LRRC4C: variants seen among roughly 807,000 people sequenced by gnomAD.
The protein encoded by LRRC4C is leucine-rich repeat-containing protein 4C.
In LRRC4C, 5 loss-of-function variants were observed where a neutral mutation model predicts 33.6. The observed-to-expected ratio is 0.15, with a 90% CI of 0.08 to 0.31. LRRC4C has a LOEUF of 0.31. LRRC4C is among the 10% of genes least tolerant of loss of function. The probability of loss-of-function intolerance (pLI) is 1.00; values close to 1 mark genes in which losing one functional copy is unlikely to be tolerated. For synonymous variants in LRRC4C, 329 were observed against 302.0 expected, an observed-to-expected ratio of 1.09 and a Z score of -0.93; for missense variants, 560 against 796.7, an observed-to-expected ratio of 0.70 and a Z score of 3.58.
At chr11:40,182,598 G>A (rs967684164) in intron 5 of LRRC4C, among the ~76,000 whole-genome samples, 1 of 151,956 alleles carries the variant, frequency 6.6e-6, no homozygotes, top group Non-Finnish European at 1.5e-5. Flanking sequence ...AATGTTCAAC[G>A]GCAATATTTA....
chr11:40,412,979 G>C (rs2137657470), intron 3 of LRRC4C, among the ~76,000 whole-genome samples: 1 of 152,162 alleles, frequency 6.6e-6, no homozygotes, highest in African/African-American at 2.4e-5. Context: ...CAAGGATCTT[G>C]ATATCTAGTG....
At chr11:40,416,496 C>G (rs899685923) in intron 3 of LRRC4C, among the ~76,000 whole-genome samples, 1 of 152,104 alleles carries the variant, frequency 6.6e-6, no homozygotes, top group African/African-American at 2.4e-5. Flanking sequence ...TAAGCAGATA[C>G]TGATTACACA....
At position 40,398,723 on chromosome 11, in the gene LRRC4C, G is replaced by A. The variant is rs567709213; in HGVS notation, c.-269-79002C>T. 8.5e-5 allele frequency among the ~76,000 whole-genome samples: 13 copies of A among 152,170 alleles called. No individual in the cohort carries two copies. In the South Asian group the frequency reaches 1.0e-3, roughly 12 times the overall value. ...CATTAGGACCCAGATGAAGACAGTTGAGAAGCATCTGGGTCCTGGGTTCTA... is the reference window on the plus strand; with the variant it reads ...CATTAGGACCCAGATGAAGACAGTTAAGAAGCATCTGGGTCCTGGGTTCTA... On this transcript the variant is annotated intron_variant, in intron 3 of 6. Coordinates refer to ENST00000528697, the MANE Select transcript of LRRC4C (RefSeq NM_001258419.2).
chr11:41,077,618 A>C lies in LRRC4C; in HGVS notation c.-495-143895T>G, dbSNP rs75575843. ...GGCCCTGGGCCCAAACCAGGAAACA[A>C]ATTTTCCTTCTTACACCTGGGGGCC... On this transcript the variant is annotated intron_variant, in intron 1 of 6. Transcript: ENST00000528697. Among the ~76,000 whole-genome samples, 862 of 152,200 alleles carry C rather than the reference A, an allele frequency of 5.7e-3. 27 individuals are homozygous for C. The highest frequency in any genetic ancestry group is 0.051 in the East Asian group (261 of 5,146).
At chr11:40,675,842 G>T (rs182043012) in intron 2 of LRRC4C, among the ~76,000 whole-genome samples, 1 of 152,158 alleles carries the variant, frequency 6.6e-6, no homozygotes, top group African/African-American at 2.4e-5. Flanking sequence ...GTTTATTAAA[G>T]AACTCAGTCT....
At position 40,994,983 on chromosome 11, in the gene LRRC4C, G is replaced by C. The variant is rs114566692; in HGVS notation, c.-495-61260C>G. ...CTTTACACAGACACGCAGCAAAAAT[G>C]GCCAGAGGTGAAATTCAGAGAGGAC... is the stretch of plus-strand genomic sequence containing the variant. On this transcript the variant is annotated intron_variant, in intron 1 of 6. Transcript: ENST00000528697. 1.5e-3 allele frequency among the ~76,000 whole-genome samples: 230 copies of C among 152,166 alleles called. 1 individual carries two copies. The highest frequency in any genetic ancestry group is 5.4e-3 in the African/African-American group (226 of 41,536).
chr11:40,180,785 G>A (rs556698375), intron 5 of LRRC4C, among the ~76,000 whole-genome samples: 29 of 152,258 alleles, frequency 1.9e-4, no homozygotes, highest in African/African-American at 5.5e-4. Context: ...GTATGCATTC[G>A]CTATAGCATA....
At chr11:40,683,958 A>G (rs936512454) in intron 2 of LRRC4C, among the ~76,000 whole-genome samples, 5 of 152,198 alleles carry the variant, frequency 3.3e-5, no homozygotes, top group Admixed American at 3.3e-4. Flanking sequence ...GCATAAATCT[A>G]TGCCAACTCT....
chr11:40,122,624 C>T (rs893770903), intron 6 of LRRC4C, among the ~76,000 whole-genome samples: 3 of 152,030 alleles, frequency 2.0e-5, no homozygotes, highest in African/African-American at 7.2e-5. Context: ...TTTTCCTTAC[C>T]ATCATAATCA....
At position 40,425,127 on chromosome 11, in the gene LRRC4C, GAA is replaced by G. The variant is rs35712776; in HGVS notation, c.-269-105408_-269-105407del. Among the ~76,000 whole-genome samples, 59 of 148,250 alleles carry G rather than the reference GAA, an allele frequency of 4.0e-4. No homozygotes were observed. The South Asian group carries it at 9.3e-3, about 23-fold the overall frequency. ...AGAAATGAAGTCTCATCTTTGTGGG[GAA>G]AAAAAAAAAGAACCCTTATGGTGGG... On this transcript the variant is annotated intron_variant, in intron 3 of 6. Coordinates refer to ENST00000528697, the MANE Select transcript of LRRC4C (RefSeq NM_001258419.2).
intron 1 of LRRC4C, among the ~76,000 whole-genome samples, chr11:41,067,503 C>A (rs967692145): frequency 4.0e-5 from 6 of 151,838 alleles, no homozygotes; most frequent in Non-Finnish European, 7.4e-5. Context: ...TATTAGACAG[C>A]TTGAGACCAA....
chr11:40,500,796 A>G (rs749956688), intron 3 of LRRC4C, among the ~76,000 whole-genome samples: 8 of 152,124 alleles, frequency 5.3e-5, no homozygotes, highest in Non-Finnish European at 1.0e-4. Context: ...GCCAAATCTC[A>G]TGTCCTCAAA....
chr11:40,974,816 T>C (rs1211022904), intron 1 of LRRC4C, among the ~76,000 whole-genome samples: 1 of 152,202 alleles, frequency 6.6e-6, no homozygotes, highest in Non-Finnish European at 1.5e-5. Flanking sequence ...GTTTCCTTGT[T>C]CTTGCACTTG....
intron 2 of LRRC4C, among the ~76,000 whole-genome samples, chr11:40,815,888 C>T (rs1453100152): frequency 1.3e-5 from 2 of 152,178 alleles, no homozygotes; most frequent in Non-Finnish European, 2.9e-5. Context: ...CATTTTTCCT[C>T]CTAGCATTAA....
At chr11:40,402,908 AC>A (rs1160182240) in intron 3 of LRRC4C, among the ~76,000 whole-genome samples, 2 of 152,092 alleles carry the variant, frequency 1.3e-5, no homozygotes, top group African/African-American at 4.8e-5. Flanking sequence ...GACCAGTTCC[AC>A]TATACCACAT....
At chr11:41,268,305 T>C (rs1251715154) in intron 1 of LRRC4C, among the ~76,000 whole-genome samples, 1 of 152,022 alleles carries the variant, frequency 6.6e-6, no homozygotes, top group Non-Finnish European at 1.5e-5. Context: ...TTAAATGAGA[T>C]CTAAGCCCTG....
At chr11:40,730,047 T>C (rs1309206125) in intron 2 of LRRC4C, among the ~76,000 whole-genome samples, 1 of 151,850 alleles carries the variant, frequency 6.6e-6, no homozygotes, top group African/African-American at 2.4e-5. Context: ...TAGGTGGGAA[T>C]TGAACAGTGA....
At chr11:40,980,111 A>G (rs375657365) in intron 1 of LRRC4C, among the ~76,000 whole-genome samples, 1 of 152,198 alleles carries the variant, frequency 6.6e-6, no homozygotes, top group African/African-American at 2.4e-5. Flanking sequence ...CATTCAAGCT[A>G]CAGACAATAA....
At chr11:41,306,825 A>G (rs1950517961) in intron 1 of LRRC4C, among the ~76,000 whole-genome samples, 2 of 152,206 alleles carry the variant, frequency 1.3e-5, no homozygotes, top group African/African-American at 2.4e-5. Context: ...TGCACTTATT[A>G]AGGAAAGTTT....
Sources: allele counts gnomAD v4.1 joint callset (sites outside exome capture counted in the v4.1 genomes callset), GRCh38; gene constraint gnomAD v4.1.1; transcripts MANE v1.5; gene names NCBI Gene and HGNC (gene_info 2026-07-23, HGNC 2026-07-21).